POR: variants seen among roughly 807,000 people sequenced by gnomAD.
The protein encoded by POR is NADPH--cytochrome P450 reductase.
A neutral mutation model predicts 84.0 loss-of-function variants in POR; 56 were observed. The observed-to-expected ratio is 0.67, with a 90% CI of 0.54 to 0.83. The LOEUF is 0.83. POR is among the 40% of genes least tolerant of loss of function. The probability of loss-of-function intolerance (pLI) is 0.00; values close to 1 mark genes in which losing one functional copy is unlikely to be tolerated. For synonymous variants in POR, 414 were observed against 400.5 expected, an observed-to-expected ratio of 1.03 and a Z score of -0.40; for missense variants, 938 against 944.3, an observed-to-expected ratio of 0.99 and a Z score of 0.09.
intron 3 of POR, among the ~76,000 whole-genome samples, chr7:75,974,524 C>CTTTTTTTTTTTTTTTTTTTTTTTTTTTTT (rs1238804117): frequency 9.3e-6 from 1 of 107,914 alleles, no homozygotes; most frequent in African/African-American, 3.7e-5. Flanking sequence ...TTTTTCTTTT[C>CTTTTTTTTTTTTTTTTTTTTTTTTTTTTT]TTTTTTTTTT....
At chr7:75,948,327 C>T (rs1309998214) in intron 1 of POR, among the ~76,000 whole-genome samples, 6 of 152,208 alleles carry the variant, frequency 3.9e-5, no homozygotes, top group African/African-American at 9.6e-5. Flanking sequence ...CCAGGCTGAG[C>T]GCTGGGAGTG....
chr7:75,965,188 T>C (rs1375432913), intron 2 of POR, among the ~76,000 whole-genome samples: 1 of 152,172 alleles, frequency 6.6e-6, no homozygotes, highest in Admixed American at 6.5e-5. Context: ...GCCAGGAGGC[T>C]GCTGGCCTCA....
intron 1 of POR, among the ~76,000 whole-genome samples, chr7:75,946,287 T>G (rs1296858686): frequency 1.3e-5 from 2 of 152,080 alleles, no homozygotes; most frequent in African/African-American, 4.8e-5. Context: ...TGCCTTTTTC[T>G]GTGCCTAATT....
At chr7:75,950,065 T>C (rs1787346671) in intron 1 of POR, among the ~76,000 whole-genome samples, 1 of 151,100 alleles carries the variant, frequency 6.6e-6, no homozygotes, top group South Asian at 2.1e-4. Flanking sequence ...AGAGACGGGG[T>C]TTCACTGTGT....
Position 75,985,190 on chromosome 7 carries a change from A to T in POR, c.1381A>T (p.Ile461Phe), listed in dbSNP as rs1554558929. 4 of 1,595,568 alleles carry T rather than the reference A, an allele frequency of 2.5e-6. No homozygotes were observed. Among genetic ancestry groups the T allele is most frequent in the Non-Finnish European group, 3.4e-6 (4 of 1,177,142 alleles). The change falls in exon 12 of 16, where the codon ATC (isoleucine) becomes TTC (phenylalanine). Residue 461 changes from isoleucine to phenylalanine, a missense_variant. Coordinates refer to ENST00000461988, the MANE Select transcript of POR (RefSeq NM_000941.3). ...GCGCCTGCAGGCCCGCTACTACTCC[A>T]TCGCCTCATCCTCCAAGGTGAGGGC...
intron 2 of POR, among the ~76,000 whole-genome samples, chr7:75,958,635 GCTC>G (rs1787790080): frequency 6.6e-6 from 1 of 152,062 alleles, no homozygotes; most frequent in African/African-American, 2.4e-5. Context: ...TTGCCATGCT[GCTC>G]CTAATTTAGT....
intron 1 of POR, among the ~76,000 whole-genome samples, chr7:75,919,493 GT>G (rs1290434687): frequency 6.6e-6 from 1 of 151,892 alleles, no homozygotes; most frequent in African/African-American, 2.4e-5. Context: ...AGTTGGTTGG[GT>G]TCACTGGAGC....
chr7:75,974,524 CTTT>C (rs1238804117), intron 3 of POR, among the ~76,000 whole-genome samples: 5 of 107,902 alleles, frequency 4.6e-5, no homozygotes, highest in South Asian at 3.2e-4. Context: ...TTTTTCTTTT[CTTT>C]TTTTTTTTTT....
chr7:75,979,830 G>A, intron 4 of POR: 1 of 475,168 alleles, frequency 2.1e-6, no homozygotes, highest in Non-Finnish European at 3.7e-6. Context: ...AGTGCCGGCT[G>A]CCCTCCTGGC....
chr7:75,945,951 G>T (rs1787153118), intron 1 of POR, among the ~76,000 whole-genome samples: 1 of 152,134 alleles, frequency 6.6e-6, no homozygotes, highest in Admixed American at 6.5e-5. Context: ...GAGCCCTTGT[G>T]TTCTTGCGTC....
chr7:75,935,619 T>TGTGTGTG (rs1807632596), intron 1 of POR, among the ~76,000 whole-genome samples: 1 of 131,286 alleles, frequency 7.6e-6, no homozygotes, highest in Non-Finnish European at 1.6e-5. Flanking sequence ...TGCTCGGGGC[T>TGTGTGTG]TGTGTGTGTG....
At chr7:75,984,366 C>A (rs1163715210) in intron 10 of POR, among the ~76,000 whole-genome samples, 3 of 152,170 alleles carry the variant, frequency 2.0e-5, no homozygotes, top group Admixed American at 2.0e-4. Flanking sequence ...CACTGGTCAC[C>A]AACCTGGGCC....
At chr7:75,945,939 G>A (rs1787152494) in intron 1 of POR, among the ~76,000 whole-genome samples, 1 of 152,136 alleles carries the variant, frequency 6.6e-6, no homozygotes, top group African/African-American at 2.4e-5. Context: ...GTTGGCCTCA[G>A]AGAGCCCTTG....
At chr7:75,953,618 C>T (rs539404259) in intron 1 of POR, among the ~76,000 whole-genome samples, 1 of 152,312 alleles carries the variant, frequency 6.6e-6, no homozygotes, top group South Asian at 2.1e-4. Flanking sequence ...CTCTTGCGTG[C>T]ACTTCCTCCC....
intron 1 of POR, among the ~76,000 whole-genome samples, chr7:75,915,990 TC>T (rs1554548025): frequency 6.6e-6 from 1 of 152,184 alleles, no homozygotes; most frequent in African/African-American, 2.4e-5. Flanking sequence ...GGCTGTCTCC[TC>T]TCTTAAACCC....
intron 2 of POR, among the ~76,000 whole-genome samples, chr7:75,956,406 G>A (rs1251999313): frequency 2.0e-5 from 3 of 152,232 alleles, no homozygotes; most frequent in Non-Finnish European, 4.4e-5. Context: ...ATGCTAAGGT[G>A]TGTGGCTGCA....
At position 75,951,060 on chromosome 7, in the gene POR, CG is replaced by C. The variant is rs1239443718; in HGVS notation, c.-4-2927del. 1.8e-3 allele frequency among the ~76,000 whole-genome samples: 63 copies of C among 35,384 alleles called. 1 individual carries two copies. The highest frequency in any genetic ancestry group is 7.0e-3 in the South Asian group (4 of 568). The allele number at this position is 35,384 out of a possible 152,430, so 23.2% of individuals were successfully genotyped here. Reference sequence around the variant, plus strand: ...GGTGACAGAGCGAGGCTCTGTCCCCCGGCCCCCCCCCCCCCCGAAAAAAAAA... The same window carrying C: ...GGTGACAGAGCGAGGCTCTGTCCCCCGCCCCCCCCCCCCCCGAAAAAAAAA... On this transcript the variant is annotated intron_variant, in intron 1 of 15. Coordinates refer to ENST00000461988, the MANE Select transcript of POR (RefSeq NM_000941.3).
chr7:75,968,219 C>T (rs1554555602), intron 2 of POR: 3 of 466,226 alleles, frequency 6.4e-6, no homozygotes, highest in African/African-American at 6.0e-5. Flanking sequence ...TGGGAGACTT[C>T]CTCCTGGCGG....
intron 1 of POR, among the ~76,000 whole-genome samples, chr7:75,934,779 T>C (rs1807588110): frequency 1.3e-5 from 2 of 152,200 alleles, no homozygotes; most frequent in African/African-American, 4.8e-5. Context: ...GCTGCCACAC[T>C]AGAGGGTGAA....
Sources: allele counts gnomAD v4.1 joint callset (sites outside exome capture counted in the v4.1 genomes callset), GRCh38; gene constraint gnomAD v4.1.1; transcripts MANE v1.5; gene names NCBI Gene and HGNC (gene_info 2026-07-23, HGNC 2026-07-21).